The following CARD14 variants were observed in gnomAD, a reference collection of about 807,000 sequenced individuals.
CARD14 encodes the protein caspase recruitment domain-containing protein 14.
CARD14 carries 107 observed loss-of-function variants against 111.5 expected under a neutral mutation model. The observed-to-expected ratio is 0.96, with a 90% CI of 0.82 to 1.13. CARD14 has a LOEUF of 1.13. Ranked by LOEUF, CARD14 falls within the 50% of genes most tolerant of loss-of-function variation. The probability of loss-of-function intolerance (pLI) is 0.00; values close to 1 mark genes in which losing one functional copy is unlikely to be tolerated. For missense variants in CARD14, 1,322 were observed against 1,362.3 expected, an observed-to-expected ratio of 0.97 and a Z score of 0.47; for synonymous variants, 617 against 579.6, an observed-to-expected ratio of 1.06 and a Z score of -0.93.
Position 80,198,677 on chromosome 17 carries a change from C to T in CARD14, c.1851+86C>T. 2 of 1,606,248 alleles carry T rather than the reference C, an allele frequency of 1.2e-6. No individual in the cohort carries two copies. The highest frequency in any genetic ancestry group is 1.7e-6 in the Non-Finnish European group (2 of 1,178,906). ...GGGGTGACCCAGGCAGACTTCACCT[C>T]CCCCAGACGATGCAGATCCACTCTG... On this transcript the variant is annotated intron_variant, in intron 16 of 23. Transcript: ENST00000648509. The surrounding 1 kb of genome is among the most constrained non-coding windows in gnomAD (Gnocchi z 7.5).
intron 11 of CARD14, among the ~76,000 whole-genome samples, chr17:80,191,778 G>A (rs1391382827): frequency 6.6e-6 from 1 of 152,234 alleles, no homozygotes; most frequent in African/African-American, 2.4e-5. Flanking sequence ...TGATGGATGT[G>A]GCAGGTGGCG....
intron 2 of CARD14, among the ~76,000 whole-genome samples, chr17:80,175,627 G>T (rs1400803538): frequency 2.0e-5 from 3 of 152,156 alleles, no homozygotes; most frequent in Non-Finnish European, 4.4e-5. Flanking sequence ...GAGGAGGCTG[G>T]CAGGGAAACG....
rs771182298 is a variant in CARD14, at chr17:80,171,173, T to TCCTCCCTC, written c.-690+1145_-690+1152dup. Among the ~76,000 whole-genome samples, 13 of 52,512 alleles carry TCCTCCCTC rather than the reference T, an allele frequency of 2.5e-4. 3 individuals are homozygous for TCCTCCCTC. The highest frequency in any genetic ancestry group is 6.3e-4 in the East Asian group (1 of 1,590). The allele number at this position is 52,512 out of a possible 152,430, so 34.4% of individuals were successfully genotyped here. A position where few individuals can be genotyped will look rare whatever the true frequency, so the allele number is the denominator to read the frequency against. ...ATTCACCTTCCCCTTCCCCTCCCCT[T>TCCTCCCTC]CCTCCCTCCCTCCCTCCCTCCCTCC... On this transcript the variant is annotated intron_variant, in intron 1 of 23. Coordinates refer to ENST00000648509, the MANE Select transcript of CARD14 (RefSeq NM_001366385.1).
chr17:80,191,604 G>A, intron 11 of CARD14, 132 bp downstream of exon 11: 1 of 1,119,826 alleles, frequency 8.9e-7, no homozygotes, highest in Non-Finnish European at 1.3e-6. Flanking sequence ...GCCACACGCG[G>A]CACCTGCAGA....
In CARD14 at chr17:80,203,866, A is replaced by G; in HGVS notation, c.2264A>G (p.Gln755Arg). 3 of 1,597,262 alleles carry G rather than the reference A, an allele frequency of 1.9e-6. No individual in the cohort carries two copies. Among genetic ancestry groups the G allele is most frequent in the Non-Finnish European group, 2.6e-6 (3 of 1,172,900 alleles). Reference sequence around the variant, plus strand: ...GCCCTCATCCAGGACATGACTCAGCAGTGCACCGTGACCCGCAAGGTGAGG... The same window carrying G: ...GCCCTCATCCAGGACATGACTCAGCGGTGCACCGTGACCCGCAAGGTGAGG... ...LIALIQDMTQ[Q>R]CTVTRKPSSG... is the part of the protein sequence containing the mutation. Residue 755 changes from glutamine to arginine, a missense_variant, in exon 19 of 24, where the codon CAG (glutamine) becomes CGG (arginine). By Grantham distance (43) the Gln-to-Arg change is conservative. Transcript: ENST00000648509. This position sits in a 1 kb window ranked among gnomAD's most constrained non-coding sequence, Gnocchi z 4.6.
chr17:80,207,573 C>A (rs55737741), intron 23 of CARD14: 74,114 of 154,808 alleles, frequency 0.48, 18,904 homozygotes, highest in Non-Finnish European at 0.57. Flanking sequence ...ACAACAACAA[C>A]AACTGCTCTG....
intron 4 of CARD14, among the ~76,000 whole-genome samples, chr17:80,180,660 C>T (rs55893548): frequency 2.6e-5 from 4 of 151,756 alleles, no homozygotes; most frequent in Non-Finnish European, 4.4e-5. Context: ...CTAGAGAAGC[C>T]GACAGTCTTG....
At position 80,204,128 on chromosome 17, in the gene CARD14, A is replaced by G. The variant is rs112150209; in HGVS notation, c.2284-99A>G. 687 of 1,172,926 alleles carry G rather than the reference A, an allele frequency of 5.9e-4. 5 individuals carry two copies. In the African/African-American group the frequency reaches 8.8e-3, roughly 15 times the overall value. The allele number at this position is 1,172,926 out of a possible 1,614,324, so 72.7% of individuals were successfully genotyped here. A position where few individuals can be genotyped will look rare whatever the true frequency, so the allele number is the denominator to read the frequency against. On this transcript the variant is annotated intron_variant, in intron 19 of 23. Coordinates refer to ENST00000648509, the MANE Select transcript of CARD14 (RefSeq NM_001366385.1). ...CTCAGAGCATCTGCGCCTCTGCATCACTCCCAGGTCGCCCTAGTGCCAATC... is the reference window on the plus strand; with the variant it reads ...CTCAGAGCATCTGCGCCTCTGCATCGCTCCCAGGTCGCCCTAGTGCCAATC...
At chr17:80,181,089 T>TAAAAAAAA (rs60307812) in intron 4 of CARD14, among the ~76,000 whole-genome samples, 1 of 141,448 alleles carries the variant, frequency 7.1e-6, no homozygotes, top group African/African-American at 2.6e-5. Flanking sequence ...GATGAATTTC[T>TAAAAAAAA]AAAAAAAAAA....
At chr17:80,192,326 C>T (rs920445492) in intron 11 of CARD14, 177 bp from the exon 12 acceptor site, 23 of 578,862 alleles carry the variant, frequency 4.0e-5, no homozygotes, top group African/African-American at 1.9e-4. Context: ...TGATTGGCAG[C>T]GCCTGTGATC....
intron 10 of CARD14, 74 bp from the exon 11 acceptor site, chr17:80,191,249 C>G: frequency 6.5e-7 from 1 of 1,547,338 alleles, no homozygotes; most frequent in South Asian, 1.2e-5. Flanking sequence ...AGGCTAGAAA[C>G]AGGGCTCTCC....
Position 80,182,741 on chromosome 17 carries a change from C to T in CARD14, c.300C>T (p.Tyr100=). ...TGAAGTTCCACAACCCTGACGTCTA[C>T]ACCCTGGTCACCGGGCTGCAGCCTG... ...ESLKFHNPDV[Y]TLVTGLQPDV... Residue 100 remains tyrosine (Y), a synonymous_variant, in exon 6 of 24, where the codon TAC becomes TAT. Transcript: ENST00000648509. The surrounding 1 kb of genome is among the most constrained non-coding windows in gnomAD (Gnocchi z 4.7). The T allele has an allele frequency of 1.2e-6, 2 of 1,614,212 alleles. No homozygotes were observed. Among genetic ancestry groups the T allele is most frequent in the Non-Finnish European group, 8.5e-7 (1 of 1,180,030 alleles).
At chr17:80,192,453 A>G (rs1387725659) in intron 11 of CARD14, 50 bp from the exon 12 acceptor site, 1 of 1,480,122 alleles carries the variant, frequency 6.8e-7, no homozygotes, top group South Asian at 1.1e-5. Flanking sequence ...ACGGGCCTCA[A>G]AGCGGAACCT....
In CARD14 at chr17:80,207,095, C is replaced by A; in HGVS notation, c.2807+10C>A. 1 of 1,600,474 alleles carries A rather than the reference C, an allele frequency of 6.2e-7. No homozygotes were observed. Among genetic ancestry groups the A allele is most frequent in the Non-Finnish European group, 8.6e-7 (1 of 1,168,212 alleles). ...TGGCAAAGAAGCTCAAGTAGGTGCA[C>A]GCTGGGGGCTGGGCAGGGGCTTCGA... On this transcript the variant is annotated intron_variant, in intron 23 of 23. Transcript: ENST00000648509.
chr17:80,181,455 G>T lies in CARD14; in HGVS notation c.17G>T (p.Arg6Leu), dbSNP rs533406700. The T allele has an allele frequency of 1.3e-6, 2 of 1,574,546 alleles. No individual in the cohort carries two copies. The highest frequency in any genetic ancestry group is 1.7e-6 in the Non-Finnish European group (2 of 1,160,078). The change falls in exon 5 of 24, where the codon CGC becomes CTC. Residue 6 changes from arginine (R) to leucine (L), a missense_variant. Transcript: ENST00000648509. ...CGCCCAGCCATGGGGGAACTGTGCCGCAGGGACTCCGCACTCACGGCACTG... is the reference window on the plus strand; with the variant it reads ...CGCCCAGCCATGGGGGAACTGTGCCTCAGGGACTCCGCACTCACGGCACTG... MGELC[R>L]RDSALTALDE... is the part of the protein sequence containing the mutation.
chr17:80,181,749 T>C, intron 5 of CARD14, 100 bp downstream of exon 5: 1 of 1,127,132 alleles, frequency 8.9e-7, no homozygotes, highest in Non-Finnish European at 1.2e-6. Context: ...TCGTCCTGTC[T>C]CTTATAAAAA....
At chr17:80,172,540 G>T (rs1567861765) in intron 1 of CARD14, among the ~76,000 whole-genome samples, 1 of 152,194 alleles carries the variant, frequency 6.6e-6, no homozygotes, top group Non-Finnish European at 1.5e-5. Flanking sequence ...GCTTTCATCG[G>T]GGCTGAGGGG....
At chr17:80,192,417 G>T (rs1052370260) in intron 11 of CARD14, 86 bp from the exon 12 acceptor site, 17 of 903,844 alleles carry the variant, frequency 1.9e-5, no homozygotes, top group Non-Finnish European at 3.0e-5. Flanking sequence ...GGGTGAAATG[G>T]GTGGTGCTGA....
At chr17:80,207,692 A>G (rs2041410244) in intron 23 of CARD14, 1 of 165,692 alleles carries the variant, frequency 6.0e-6, no homozygotes, top group Admixed American at 6.4e-5. Flanking sequence ...GTCACTGGAA[A>G]ATGACATTTT....
Sources: allele counts gnomAD v4.1 joint callset (sites outside exome capture counted in the v4.1 genomes callset), GRCh38; gene constraint gnomAD v4.1.1; non-coding constraint Gnocchi (gnomAD v3.1); transcripts MANE v1.5; gene names NCBI Gene and HGNC (gene_info 2026-07-23, HGNC 2026-07-21).